Variants in DYRK1A observed in about 807,000 individuals in gnomAD.
DYRK1A encodes the protein dual specificity tyrosine-phosphorylation-regulated kinase 1A.
In DYRK1A, 9 loss-of-function variants were observed where a neutral mutation model predicts 79.7. The observed-to-expected ratio is 0.11, with a 90% CI of 0.07 to 0.20. The LOEUF is 0.20. DYRK1A is among the 10% of genes least tolerant of loss of function. DYRK1A has a pLI of 1.00. For missense variants in DYRK1A, 622 were observed against 956.0 expected, an observed-to-expected ratio of 0.65 and a Z score of 4.61; for synonymous variants, 349 against 329.7, an observed-to-expected ratio of 1.06 and a Z score of -0.63.
Position 37,367,655 on chromosome 21 carries a change from C to T in DYRK1A, c.-77+27C>T, listed in dbSNP as rs1457107087. On this transcript the variant is annotated intron_variant, in intron 1 of 11. Coordinates refer to ENST00000647188, the MANE Select transcript of DYRK1A (RefSeq NM_001347721.2). ...TGAGTGTCCGGCCCGGCCGCGGCCC[C>T]GCCCGGCCTGGCGCTCGGCTCCCCC... 3 of 145,970 alleles carry T rather than the reference C, an allele frequency of 2.1e-5. No homozygotes were observed. In the East Asian group the frequency reaches 6.1e-4, roughly 30 times the overall value. The allele number at this position is 145,970 out of a possible 1,614,324, so 9.0% of individuals were successfully genotyped here. A position where few individuals can be genotyped will look rare whatever the true frequency, so the allele number is the denominator to read the frequency against.
At chr21:37,415,298 C>T (rs2050316332) in intron 1 of DYRK1A, among the ~76,000 whole-genome samples, 1 of 152,176 alleles carries the variant, frequency 6.6e-6, no homozygotes, top group Non-Finnish European at 1.5e-5. Flanking sequence ...GCCTCTTTAA[C>T]ACAAATTTCA....
Position 37,450,694 on chromosome 21 carries a change from G to T in DYRK1A, c.11-21990G>T, listed in dbSNP as rs545581106. On this transcript the variant is annotated intron_variant, in intron 2 of 11. Coordinates refer to ENST00000647188, the MANE Select transcript of DYRK1A (RefSeq NM_001347721.2). ...GTTCCCAGGCCAGCCTGGGCAGAGA[G>T]TGTTGGAGTAGGGGATTCAGGGACC... 9.3e-4 allele frequency among the ~76,000 whole-genome samples: 141 copies of T among 152,330 alleles called. 1 individual carries two copies. Among genetic ancestry groups the T allele is most frequent in the African/African-American group, 3.2e-3 (131 of 41,570 alleles).
intron 1 of DYRK1A, among the ~76,000 whole-genome samples, chr21:37,398,075 A>AT (rs200374837): frequency 0.024 from 2,740 of 112,028 alleles, 87 homozygotes; most frequent in African/African-American, 0.075. Context: ...CTTAAAAAAA[A>AT]AATATATATA....
intron 2 of DYRK1A, chr21:37,428,768 G>A (rs1489051583): frequency 6.6e-6 from 1 of 152,032 alleles, no homozygotes; most frequent in East Asian, 1.9e-4. Flanking sequence ...AAAACTATTT[G>A]ATATAAAAAG....
chr21:37,381,406 T>A lies in DYRK1A; in HGVS notation c.-77+13778T>A, dbSNP rs1159302655. The stretch of plus-strand genomic sequence containing the variant: ...TGTATTGAGAATTAGATACTGGAAA[T>A]GTGGAGTGGAAAGATTCTGTCTTCT... On this transcript the variant is annotated intron_variant, in intron 1 of 11. Transcript: ENST00000647188. 8.5e-5 allele frequency among the ~76,000 whole-genome samples: 13 copies of A among 152,114 alleles called. 1 individual carries two copies. Among genetic ancestry groups the A allele is most frequent in the Non-Finnish European group, 1.9e-4 (13 of 68,026 alleles).
At chr21:37,486,838 G>A (rs2052887816) in intron 6 of DYRK1A, 2 of 364,284 alleles carry the variant, frequency 5.5e-6, no homozygotes, top group Non-Finnish European at 9.8e-6. Context: ...AGAAACAAAT[G>A]AGAATAGTGT....
Position 37,490,252 on chromosome 21 carries a change from T to C in DYRK1A, c.715T>C (p.Leu239=), listed in dbSNP as rs542250367. 1.9e-6 allele frequency: 3 copies of C among 1,613,868 alleles called. No individual in the cohort carries two copies. The African/African-American group carries it at 4.0e-5, about 22-fold the overall frequency. ...AATGCTGTCCTACAACCTCTATGACTTGCTGAGAAACACCAATTTCCGAGG... is the reference window on the plus strand; with the variant it reads ...AATGCTGTCCTACAACCTCTATGACCTGCTGAGAAACACCAATTTCCGAGG... The part of the protein sequence containing the change: ...FEMLSYNLYD[L]LRNTNFRGVS... Residue 239 remains leucine (L), a synonymous_variant, in exon 7 of 12, where the codon TTG becomes CTG. Transcript: ENST00000647188.
chr21:37,505,054 C>A, intron 9 of DYRK1A: 1 of 502,756 alleles, frequency 2.0e-6, no homozygotes. Flanking sequence ...TTTACTGACC[C>A]CTGGGCTAAA....
At chr21:37,379,873 G>C (rs927948563) in intron 1 of DYRK1A, among the ~76,000 whole-genome samples, 1 of 152,122 alleles carries the variant, frequency 6.6e-6, no homozygotes, top group Non-Finnish European at 1.5e-5. Flanking sequence ...GCACCTGCTG[G>C]TGCCAAATAT....
At chr21:37,493,186 A>C (rs778835070) in intron 8 of DYRK1A, 23 bp downstream of exon 8, 1 of 1,562,610 alleles carries the variant, frequency 6.4e-7, no homozygotes. Flanking sequence ...TTGCTTTACA[A>C]ATTCTGTTTT....
intron 3 of DYRK1A, among the ~76,000 whole-genome samples, chr21:37,473,084 CAT>C (rs1339829957): frequency 1.3e-5 from 2 of 151,646 alleles, no homozygotes; most frequent in Admixed American, 1.3e-4. Context: ...CACTCATAAA[CAT>C]AACCACAGTC....
intron 3 of DYRK1A, among the ~76,000 whole-genome samples, chr21:37,477,278 G>A (rs1398040718): frequency 6.6e-6 from 1 of 152,182 alleles, no homozygotes. Context: ...AGTTGGGCAG[G>A]AACACAAAGA....
rs565080496 is a variant in DYRK1A, at chr21:37,479,619, GTT to G, written c.301-1003_301-1002del. ...GTTTTTGTTTTTGTTTTTGTTTTTTGTTTTTTTTTTTTTTTTTGGAGACAGAG... is the reference window on the plus strand; with the variant it reads ...GTTTTTGTTTTTGTTTTTGTTTTTTGTTTTTTTTTTTTTTTGGAGACAGAG... On this transcript the variant is annotated intron_variant, in intron 4 of 11. Coordinates refer to ENST00000647188, the MANE Select transcript of DYRK1A (RefSeq NM_001347721.2). 6.8e-5 allele frequency among the ~76,000 whole-genome samples: 5 copies of G among 73,924 alleles called. 1 individual carries two copies. The highest frequency in any genetic ancestry group is 2.1e-4 in the African/African-American group (4 of 19,144). The allele number at this position is 73,924 out of a possible 152,430, so 48.5% of individuals were successfully genotyped here.
At chr21:37,449,968 G>A (rs893297859) in intron 2 of DYRK1A, among the ~76,000 whole-genome samples, 1 of 152,160 alleles carries the variant, frequency 6.6e-6, no homozygotes, top group African/African-American at 2.4e-5. Context: ...ATAAGTAGGG[G>A]CCAAAGCAGG....
In DYRK1A at chr21:37,467,643, G is replaced by A. The variant is rs573633230; in HGVS notation, c.11-5041G>A. Among the ~76,000 whole-genome samples the A allele has an allele frequency of 1.1e-3, 165 of 152,294 alleles. 1 individual carries two copies. Among genetic ancestry groups the A allele is most frequent in the Admixed American group, 9.6e-3 (147 of 15,288 alleles). On this transcript the variant is annotated intron_variant, in intron 2 of 11. Transcript: ENST00000647188. ...GATACAGAAAGAGCATTTAATAAAA[G>A]TCAGCATCTATTCATGAGGAAAAGG...
chr21:37,427,565 G>A (rs1276268212), intron 2 of DYRK1A, among the ~76,000 whole-genome samples: 2 of 152,158 alleles, frequency 1.3e-5, no homozygotes, highest in Non-Finnish European at 2.9e-5. Flanking sequence ...ATTAGTTCAT[G>A]AACAATGTTT....
chr21:37,438,772 T>G (rs375127636), intron 2 of DYRK1A, among the ~76,000 whole-genome samples: 1 of 152,206 alleles, frequency 6.6e-6, no homozygotes, highest in Non-Finnish European at 1.5e-5. Context: ...TCTACAACTT[T>G]CCTCTTATTC....
intron 1 of DYRK1A, among the ~76,000 whole-genome samples, chr21:37,377,161 C>G (rs117017144): frequency 0.075 from 11,490 of 152,186 alleles, 651 homozygotes; most frequent in Non-Finnish European, 0.11. Context: ...GCTCTTTCCC[C>G]AAGGCTGGAG....
chr21:37,466,430 A>G (rs192791171), intron 2 of DYRK1A, among the ~76,000 whole-genome samples: 1 of 152,384 alleles, frequency 6.6e-6, no homozygotes, highest in East Asian at 1.9e-4. Context: ...AAAAGATAAG[A>G]AAGGAAAAGG....
Sources: allele counts gnomAD v4.1 joint callset (sites outside exome capture counted in the v4.1 genomes callset), GRCh38; gene constraint gnomAD v4.1.1; transcripts MANE v1.5; gene names NCBI Gene and HGNC (gene_info 2026-07-23, HGNC 2026-07-21).